ZNF433: variants seen among roughly 807,000 people sequenced by gnomAD.
The protein encoded by ZNF433 is zinc finger protein 433.
A neutral mutation model predicts 10.6 loss-of-function variants in ZNF433; 12 were observed. That is an observed-to-expected ratio of 1.13 (90% CI 0.72 to 1.83). The LOEUF (loss-of-function observed/expected upper bound fraction) is 1.83, where lower values mean the gene tolerates loss of function less well. ZNF433 is among the 40% of genes most tolerant of loss of function. The pLI, the probability that ZNF433 is intolerant of heterozygous loss-of-function variation, is 0.00. For synonymous variants in ZNF433, 272 were observed against 271.3 expected, an observed-to-expected ratio of 1.00 and a Z score of -0.02; for missense variants, 737 against 798.0, an observed-to-expected ratio of 0.92 and a Z score of 0.92.
At chr19:12,032,734 T>C (rs776699623) in intron 1 of ZNF433, among the ~76,000 whole-genome samples, 4 of 152,186 alleles carry the variant, frequency 2.6e-5, no homozygotes, top group African/African-American at 4.8e-5. Flanking sequence ...TCCACCTGCC[T>C]TGGCCTCTCA....
intron 1 of ZNF433, chr19:12,018,505 G>GA (rs763217935): frequency 3.1e-5 from 14 of 449,554 alleles, no homozygotes; most frequent in Non-Finnish European, 5.0e-5. Flanking sequence ...AGTAGAATAG[G>GA]AAAATGTGTA....
In ZNF433 at chr19:12,029,225, A is replaced by C. The variant is rs559441499; in HGVS notation, c.3+6312T>G. Among the ~76,000 whole-genome samples the C allele has an allele frequency of 3.9e-5, 6 of 152,296 alleles. No homozygotes were observed. The East Asian group carries it at 1.2e-3, about 29-fold the overall frequency. ...ACACTGAAATAGAAGACAATGACTA[A>C]GAATAGCCAGCATAAGCTGGGTGTG... On this transcript the variant is annotated intron_variant, in intron 1 of 3. Coordinates refer to ENST00000550507, the MANE Select transcript of ZNF433 (RefSeq NM_001308348.2).
intron 1 of ZNF433, among the ~76,000 whole-genome samples, chr19:12,031,606 T>C (rs1975033723): frequency 6.6e-6 from 1 of 152,198 alleles, no homozygotes; most frequent in Non-Finnish European, 1.5e-5. Flanking sequence ...ATCGTGCCAC[T>C]GCACTCCAGC....
chr19:12,023,296 T>C (rs1032373282), intron 1 of ZNF433: 1 of 152,186 alleles, frequency 6.6e-6, no homozygotes, highest in Non-Finnish European at 1.5e-5. Context: ...ATCAGATTAC[T>C]TCTAGGTAGA....
Position 12,015,019 on chromosome 19 carries a change from T to A in ZNF433, c.1839A>T (p.Lys613Asn). The change falls in exon 4 of 4, where the codon AAA (lysine) becomes AAT (asparagine). Residue 613 changes from lysine to asparagine, a missense_variant. Lys to Asn is a moderately conservative substitution (Grantham distance 94). Coordinates refer to ENST00000550507, the MANE Select transcript of ZNF433 (RefSeq NM_001308348.2). ...QMHGRTHTGEKPYKCKQCGKA... is the reference protein window; with the variant it reads ...QMHGRTHTGENPYKCKQCGKA... ...TCCCACATTGCTTACATTTATACGG[T>A]TTCTCTCCAGTGTGAGTCCTTCCAT... The A allele has an allele frequency of 6.2e-7, 1 of 1,613,994 alleles. No homozygotes were observed. Among genetic ancestry groups the A allele is most frequent in the East Asian group, 2.2e-5 (1 of 44,868 alleles).
At chr19:12,020,421 C>T (rs897785513) in intron 1 of ZNF433, among the ~76,000 whole-genome samples, 9 of 152,070 alleles carry the variant, frequency 5.9e-5, no homozygotes, top group Non-Finnish European at 1.2e-4. Flanking sequence ...GGTTATTGAG[C>T]ACTTTCTCTC....
At chr19:12,019,052 TA>T (rs754859866) in intron 1 of ZNF433, among the ~76,000 whole-genome samples, 4,215 of 62,918 alleles carry the variant, frequency 0.067, 121 homozygotes, top group African/African-American at 0.18. Context: ...TCCATCTTAA[TA>T]AAAAAAAAAA....
chr19:12,033,101 TC>T (rs1043357231), intron 1 of ZNF433, among the ~76,000 whole-genome samples: 1 of 151,680 alleles, frequency 6.6e-6, no homozygotes, highest in Non-Finnish European at 1.5e-5. Flanking sequence ...TTTTTTTTTT[TC>T]CCCTCTCTTG....
intron 1 of ZNF433, among the ~76,000 whole-genome samples, chr19:12,022,917 G>A (rs1299266171): frequency 6.6e-6 from 1 of 152,200 alleles, no homozygotes; most frequent in Admixed American, 6.5e-5. Flanking sequence ...TGTTCGAGCA[G>A]CACCTTGAGC....
Position 12,016,201 on chromosome 19 carries a change from T to C in ZNF433, c.657A>G (p.Gly219=), listed in dbSNP as rs781335501. Residue 219 remains glycine, a synonymous_variant, in exon 4 of 4, where the codon GGA becomes GGG. Coordinates refer to ENST00000550507, the MANE Select transcript of ZNF433 (RefSeq NM_001308348.2). The part of the protein sequence containing the change: ...LYLIHKRTHT[G]EKPYQCKQCG... Reference sequence around the variant, plus strand: ...ACTGTTTACATTGATATGGTTTCTCTCCAGTGTGAGTTCGTTTGTGGATAA... The same window carrying C: ...ACTGTTTACATTGATATGGTTTCTCCCCAGTGTGAGTTCGTTTGTGGATAA... The C allele has an allele frequency of 1.1e-4, 171 of 1,614,082 alleles. No homozygotes were observed. The highest frequency in any genetic ancestry group is 1.4e-4 in the Non-Finnish European group (160 of 1,180,036).
intron 1 of ZNF433, among the ~76,000 whole-genome samples, chr19:12,020,916 A>AT (rs1974458977): frequency 7.2e-6 from 1 of 138,884 alleles, no homozygotes; most frequent in African/African-American, 3.2e-5. Context: ...AAACAAAAAT[A>AT]TAAAAAAAAA....
At position 12,017,943 on chromosome 19, in the gene ZNF433, C is replaced by A. The variant is rs368461025; in HGVS notation, c.131-7G>T. 2 of 1,567,922 alleles carry A rather than the reference C, an allele frequency of 1.3e-6. No homozygotes were observed. The highest frequency in any genetic ancestry group is 1.7e-6 in the Non-Finnish European group (2 of 1,160,910). On this transcript the variant is annotated splice_polypyrimidine_tract_variant and splice_region_variant and intron_variant, in intron 2 of 3. Coordinates refer to ENST00000550507, the MANE Select transcript of ZNF433 (RefSeq NM_001308348.2). The stretch of plus-strand genomic sequence containing the variant: ...TGGGGTTTCCATTTTTTCCCTACAA[C>A]ACACAACAAGGAAAATAATCTTGAA...
Position 12,016,331 on chromosome 19 carries a change from A to C in ZNF433, c.527T>G (p.Phe176Cys). 1 of 1,614,190 alleles carries C rather than the reference A, an allele frequency of 6.2e-7. No homozygotes were observed. Among genetic ancestry groups the C allele is most frequent in the Non-Finnish European group, 8.5e-7 (1 of 1,180,026 alleles). ...LYVCEECGKT[F>C]ISHSNLQRHR... ...TCTTTGAAGGTTTGAATGGGAAATA[A>C]ATGTTTTTCCGCATTCCTCACAAAC... Residue 176 changes from phenylalanine (F) to cysteine (C), a missense_variant, in exon 4 of 4, where the codon TTT (phenylalanine) becomes TGT (cysteine). Coordinates refer to ENST00000550507, the MANE Select transcript of ZNF433 (RefSeq NM_001308348.2).
At position 12,015,774 on chromosome 19, in the gene ZNF433, A is replaced by C; in HGVS notation, c.1084T>G (p.Ser362Ala). The stretch of plus-strand genomic sequence containing the variant: ...TTCCCACATATCTTACATTTATGAG[A>C]TATCTCTCCAGTGTGCATTCCCAAG... ...NHLGMHTGEI[S>A]HKCKICGKAF... Residue 362 changes from serine (S) to alanine (A), a missense_variant, in exon 4 of 4, where the codon TCT becomes GCT. By Grantham distance (99) the Ser-to-Ala change is moderately conservative. Coordinates refer to ENST00000550507, the MANE Select transcript of ZNF433 (RefSeq NM_001308348.2). 1.9e-6 allele frequency: 3 copies of C among 1,613,720 alleles called. No individual in the cohort carries two copies. The South Asian group carries it at 3.3e-5, about 18-fold the overall frequency.
At chr19:12,020,608 GATTT>G (rs1447335412) in intron 1 of ZNF433, among the ~76,000 whole-genome samples, 2 of 152,064 alleles carry the variant, frequency 1.3e-5, no homozygotes, top group Non-Finnish European at 2.9e-5. Context: ...GAAATTTAGG[GATTT>G]ATTGTCATTC....
At position 12,035,620 on chromosome 19, in the gene ZNF433, C is replaced by G. The variant is rs1975257450; in HGVS notation, c.-81G>C. 2 of 1,527,816 alleles carry G rather than the reference C, an allele frequency of 1.3e-6. No individual in the cohort carries two copies. The highest frequency in any genetic ancestry group is 1.8e-6 in the Non-Finnish European group (2 of 1,132,432). The allele number at this position is 1,527,816 out of a possible 1,614,324, so 94.6% of individuals were successfully genotyped here. ...AAGCTATGGCAGAGGCACCTGAACCCTCTCGGAGGGGAAAGCCAGGCTCCC... is the reference window on the plus strand; with the variant it reads ...AAGCTATGGCAGAGGCACCTGAACCGTCTCGGAGGGGAAAGCCAGGCTCCC... On this transcript the variant is annotated 5_prime_UTR_variant, in exon 1 of 4. Coordinates refer to ENST00000550507, the MANE Select transcript of ZNF433 (RefSeq NM_001308348.2).
In ZNF433 at chr19:12,015,038, C is replaced by T; in HGVS notation, c.1820G>A (p.Arg607Lys). ...ATACGGTTTCTCTCCAGTGTGAGTC[C>T]TTCCATGCATTTGAAGTCGCGAGGC... ...GCASRLQMHGRTHTGEKPYKC... is the reference protein window; with the variant it reads ...GCASRLQMHGKTHTGEKPYKC... Residue 607 changes from arginine to lysine, a missense_variant, in exon 4 of 4, where the codon AGG becomes AAG. By Grantham distance (26) the Arg-to-Lys change is conservative. Coordinates refer to ENST00000550507, the MANE Select transcript of ZNF433 (RefSeq NM_001308348.2). 6.2e-7 allele frequency: 1 copy of T among 1,614,068 alleles called. No individual in the cohort carries two copies.
intron 2 of ZNF433, 69 bp from the exon 3 acceptor site, chr19:12,018,005 G>T: frequency 7.5e-7 from 1 of 1,325,264 alleles, no homozygotes; most frequent in Non-Finnish European, 1.0e-6. Context: ...ATGATTCTAT[G>T]TTCATGGTAC....
chr19:12,032,724 T>C (rs1428989845), intron 1 of ZNF433, among the ~76,000 whole-genome samples: 2 of 152,270 alleles, frequency 1.3e-5, no homozygotes, highest in African/African-American at 4.8e-5. Flanking sequence ...CCTCAGGTGA[T>C]CCACCTGCCT....
Sources: allele counts gnomAD v4.1 joint callset (sites outside exome capture counted in the v4.1 genomes callset), GRCh38; gene constraint gnomAD v4.1.1; transcripts MANE v1.5; gene names NCBI Gene and HGNC (gene_info 2026-07-23, HGNC 2026-07-21).